The following CELSR1 variants were observed in gnomAD, a reference collection of about 807,000 sequenced individuals.
CELSR1 encodes the protein cadherin EGF LAG seven-pass G-type receptor 1.
Under a neutral mutation model 249.1 loss-of-function variants are expected in CELSR1, and 110 were observed. The ratio of observed to expected loss-of-function variants is 0.44; its 90% CI spans 0.38 to 0.52. The LOEUF is 0.52. CELSR1 is among the 20% of genes least tolerant of loss of function. The pLI is 0.00. For missense variants in CELSR1, 4,109 were observed against 4,296.4 expected, an observed-to-expected ratio of 0.96 and a Z score of 1.22; for synonymous variants, 2,113 against 1,900.0, an observed-to-expected ratio of 1.11 and a Z score of -2.92.
intron 1 of CELSR1, among the ~76,000 whole-genome samples, chr22:46,519,829 T>C (rs552858744): frequency 1.0e-3 from 155 of 151,928 alleles, no homozygotes; most frequent in Admixed American, 2.5e-3. Flanking sequence ...ATTTGATCCA[T>C]GTACCAGGCA....
Position 46,364,653 on chromosome 22 carries a change from G to A in CELSR1, c.8638C>T (p.Pro2880Ser). ...ESDSEDPSGKPRLKVETKVSV... is the reference protein window; with the variant it reads ...ESDSEDPSGKSRLKVETKVSV... ...ACCTTGGTCTCCACCTTCAGGCGGG[G>A]CTTGCCGCTGGGGTCCTCACTGTCA... Residue 2880 changes from proline (P) to serine (S), a missense_variant, in exon 33 of 35, where the codon CCC (proline) becomes TCC (serine). By Grantham distance (74) the Pro-to-Ser change is moderately conservative. Transcript: ENST00000674500. 6.2e-7 allele frequency: 1 copy of A among 1,612,696 alleles called. No homozygotes were observed. Among genetic ancestry groups the A allele is most frequent in the Non-Finnish European group, 8.5e-7 (1 of 1,179,918 alleles).
intron 1 of CELSR1, among the ~76,000 whole-genome samples, chr22:46,510,013 A>G (rs5768863): frequency 0.65 from 98,742 of 152,032 alleles, 32,279 homozygotes; most frequent in East Asian, 0.77. Flanking sequence ...CCATGCAGGA[A>G]GGACAGCCCA....
chr22:46,410,576 C>G lies in CELSR1; in HGVS notation c.4770-15G>C, dbSNP rs2147331731. 3.7e-6 allele frequency: 6 copies of G among 1,609,366 alleles called. No individual in the cohort carries two copies. Among genetic ancestry groups the G allele is most frequent in the Non-Finnish European group, 5.1e-6 (6 of 1,176,396 alleles). On this transcript the variant is annotated splice_polypyrimidine_tract_variant and intron_variant, in intron 6 of 34. Coordinates refer to ENST00000674500, the MANE Select transcript of CELSR1 (RefSeq NM_001378328.1). This position sits in a 1 kb window ranked among gnomAD's most constrained non-coding sequence, Gnocchi z 6.8. ...GATCCAGGGACCTGGGTAGGTAAAG[C>G]CATCTTCTGTGACGTCAGGGCGGGG... is the stretch of plus-strand genomic sequence containing the variant.
At chr22:46,529,362 A>G (rs868152107) in intron 1 of CELSR1, among the ~76,000 whole-genome samples, 1 of 152,180 alleles carries the variant, frequency 6.6e-6, no homozygotes, top group Admixed American at 6.5e-5. Flanking sequence ...AGAAAAACAA[A>G]TATCCCACGT....
chr22:46,437,567 A>G lies in CELSR1; in HGVS notation c.4407-1278T>C, dbSNP rs1368760093. 6.6e-6 allele frequency among the ~76,000 whole-genome samples: 1 copy of G among 152,170 alleles called. No individual in the cohort carries two copies. Among genetic ancestry groups the G allele is most frequent in the African/African-American group, 2.4e-5 (1 of 41,442 alleles). ...GGTCAGGTTGACCAGCCTGGCCAAC[A>G]TGGTGAAACCCCGTCTCTACTAAAA... is the stretch of plus-strand genomic sequence containing the variant. On this transcript the variant is annotated intron_variant, in intron 3 of 34. Coordinates refer to ENST00000674500, the MANE Select transcript of CELSR1 (RefSeq NM_001378328.1). This position sits in a 1 kb window ranked among gnomAD's most constrained non-coding sequence, Gnocchi z 4.9.
chr22:46,525,325 T>C lies in CELSR1; in HGVS notation c.3544+8302A>G, dbSNP rs971346856. Among the ~76,000 whole-genome samples the C allele has an allele frequency of 3.5e-4, 53 of 152,158 alleles. 1 individual carries two copies. Among genetic ancestry groups the C allele is most frequent in the African/African-American group, 1.3e-3 (52 of 41,522 alleles). On this transcript the variant is annotated intron_variant, in intron 1 of 34. Transcript: ENST00000674500. Reference sequence around the variant, plus strand: ...TTAGCCGGGTGTGGTGGTGCGCGCCTGTCATCTCCGCTACTCGGGAGGCTG... The same window carrying C: ...TTAGCCGGGTGTGGTGGTGCGCGCCCGTCATCTCCGCTACTCGGGAGGCTG...
chr22:46,457,463 G>C (rs1159743063), intron 2 of CELSR1, among the ~76,000 whole-genome samples: 1 of 152,170 alleles, frequency 6.6e-6, no homozygotes, highest in East Asian at 1.9e-4. Flanking sequence ...GGGGCACCCA[G>C]GTCTGCCTCT....
At chr22:46,504,670 G>A (rs2080498048) in intron 1 of CELSR1, among the ~76,000 whole-genome samples, 1 of 152,102 alleles carries the variant, frequency 6.6e-6, no homozygotes, top group Non-Finnish European at 1.5e-5. Context: ...TGAAAATATG[G>A]CAGATTTCAT....
At position 46,527,272 on chromosome 22, in the gene CELSR1, C is replaced by T. The variant is rs1292266895; in HGVS notation, c.3544+6355G>A. ...TGGCAAAGCCCTCCTCAGCCACCCC[C>T]ATGCTGGAGCAAGCATGATGTCCCC... On this transcript the variant is annotated intron_variant, in intron 1 of 34. Coordinates refer to ENST00000674500, the MANE Select transcript of CELSR1 (RefSeq NM_001378328.1). The surrounding 1 kb of genome is among the most constrained non-coding windows in gnomAD (Gnocchi z 5.5). Among the ~76,000 whole-genome samples the T allele has an allele frequency of 6.6e-6, 1 of 152,192 alleles. No homozygotes were observed. Among genetic ancestry groups the T allele is most frequent in the Non-Finnish European group, 1.5e-5 (1 of 68,036 alleles).
At chr22:46,431,764 CAAGAA>C (rs2079598519) in intron 5 of CELSR1, among the ~76,000 whole-genome samples, 1 of 152,236 alleles carries the variant, frequency 6.6e-6, no homozygotes, top group Non-Finnish European at 1.5e-5. Context: ...GGCACCGTAT[CAAGAA>C]AAGACTCGGT....
At chr22:46,474,074 A>C (rs1465792786) in intron 1 of CELSR1, among the ~76,000 whole-genome samples, 4 of 152,262 alleles carry the variant, frequency 2.6e-5, no homozygotes, top group Admixed American at 6.5e-5. Flanking sequence ...TCCCAGCACG[A>C]GCGTCTCCAG....
Position 46,381,969 on chromosome 22 carries a change from G to T in CELSR1, c.6965C>A (p.Pro2322Gln), listed in dbSNP as rs756011801. ...AGGGTGTCGCCTCCGCCTGCTGATCGGGGCCTCCCTCTCGGTGCCAGGCCC... is the reference window on the plus strand; with the variant it reads ...AGGGTGTCGCCTCCGCCTGCTGATCTGGGCCTCCCTCTCGGTGCCAGGCCC... ...RPGPGTEREA[P>Q]ISRRRRHPDD... Residue 2322 changes from proline to glutamine, a missense_variant, in exon 21 of 35, where the codon CCG (proline) becomes CAG (glutamine). Physicochemically the swap from Pro to Gln is moderately conservative, Grantham distance 76. Transcript: ENST00000674500. The surrounding 1 kb of genome is among the most constrained non-coding windows in gnomAD (Gnocchi z 6.0). The T allele has an allele frequency of 6.4e-7, 1 of 1,565,520 alleles. No individual in the cohort carries two copies.
intron 1 of CELSR1, among the ~76,000 whole-genome samples, chr22:46,476,324 G>T (rs531098180): frequency 6.6e-6 from 1 of 152,010 alleles, no homozygotes; most frequent in Non-Finnish European, 1.5e-5. Context: ...GGCTGGGCGC[G>T]GTGGCTCATG....
At chr22:46,513,790 T>C (rs1435520490) in intron 1 of CELSR1, among the ~76,000 whole-genome samples, 3 of 152,032 alleles carry the variant, frequency 2.0e-5, no homozygotes, top group South Asian at 2.1e-4. Context: ...ATTAATACTT[T>C]TTGTTGTTGT....
chr22:46,469,991 G>A (rs1602181659), intron 1 of CELSR1, among the ~76,000 whole-genome samples: 21 of 115,820 alleles, frequency 1.8e-4, no homozygotes, highest in East Asian at 2.4e-4. Context: ...AGGAGGGGAG[G>A]GAGGGAGGGA....
At position 46,463,842 on chromosome 22, in the gene CELSR1, G is replaced by A. The variant is rs1392181770; in HGVS notation, c.4048C>T (p.Arg1350Cys). The A allele has an allele frequency of 7.4e-6, 12 of 1,611,850 alleles. No homozygotes were observed. The highest frequency in any genetic ancestry group is 2.7e-5 in the African/African-American group (2 of 75,044). Residue 1350 changes from arginine (R) to cysteine (C), a missense_variant, in exon 2 of 35, where the codon CGC (arginine) becomes TGC (cysteine). By Grantham distance (180) the Arg-to-Cys change is radical (BLOSUM62 -3). This residue lies in a region of CELSR1 where 141 missense variants were observed against 209.4 expected (regional missense o/e 0.67). Coordinates refer to ENST00000674500, the MANE Select transcript of CELSR1 (RefSeq NM_001378328.1). ...TCGCCGGTGAAGCCGGGCGGGCAGCGGCAGCGCAGGCCGTTGATGGGGTGG... is the reference window on the plus strand; with the variant it reads ...TCGCCGGTGAAGCCGGGCGGGCAGCAGCAGCGCAGGCCGTTGATGGGGTGG... ...PIHPINGLRCRCPPGFTGDYC... is the reference protein window; with the variant it reads ...PIHPINGLRCCCPPGFTGDYC...
At chr22:46,382,194 G>T in intron 20 of CELSR1, 144 bp from the exon 21 acceptor site, 1 of 738,454 alleles carries the variant, frequency 1.4e-6, no homozygotes, top group Non-Finnish European at 2.1e-6. Flanking sequence ...TCAAAAACAG[G>T]ACTTATCACA....
At position 46,396,902 on chromosome 22, in the gene CELSR1, C is replaced by A. The variant is rs2079153819; in HGVS notation, c.5702-156G>T. Among the ~76,000 whole-genome samples, 1 of 152,120 alleles carries A rather than the reference C, an allele frequency of 6.6e-6. No homozygotes were observed. Among genetic ancestry groups the A allele is most frequent in the Non-Finnish European group, 1.5e-5 (1 of 68,016 alleles). On this transcript the variant is annotated intron_variant, in intron 12 of 34. Transcript: ENST00000674500. This position sits in a 1 kb window ranked among gnomAD's most constrained non-coding sequence, Gnocchi z 6.4. ...TGCCACAGAGTCCCCGAAAACACAGCGTTAGGCGGGTTAGACTTAGTGATG... is the reference window on the plus strand; with the variant it reads ...TGCCACAGAGTCCCCGAAAACACAGAGTTAGGCGGGTTAGACTTAGTGATG...
rs74985127 is a variant in CELSR1 at position 46,475,175 on chromosome 22, C to A, written c.3545-10830G>T. Reference sequence around the variant, plus strand: ...TTCTGTCACAAGATATGGAGGAGAGCACGAAAGAACCACATCCCCAGGCCC... The same window carrying A: ...TTCTGTCACAAGATATGGAGGAGAGAACGAAAGAACCACATCCCCAGGCCC... On this transcript the variant is annotated intron_variant, in intron 1 of 34. Transcript: ENST00000674500. Among the ~76,000 whole-genome samples, 466 of 152,160 alleles carry A rather than the reference C, an allele frequency of 3.1e-3. 2 individuals are homozygous for A. The highest frequency in any genetic ancestry group is 5.1e-3 in the Non-Finnish European group (346 of 68,008).
Sources: allele counts gnomAD v4.1 joint callset (sites outside exome capture counted in the v4.1 genomes callset), GRCh38; gene constraint gnomAD v4.1.1; regional missense constraint gnomAD v4.1.1; non-coding constraint Gnocchi (gnomAD v3.1); transcripts MANE v1.5; gene names NCBI Gene and HGNC (gene_info 2026-07-23, HGNC 2026-07-21).